B3GALT1: variants seen among roughly 807,000 people sequenced by gnomAD.
B3GALT1 encodes beta-1,3-galactosyltransferase 1.
A neutral mutation model predicts 23.2 loss-of-function variants in B3GALT1; 10 were observed. That is an observed-to-expected ratio of 0.43 (90% confidence interval 0.27 to 0.73). B3GALT1 has a LOEUF of 0.73. Ranked by LOEUF, B3GALT1 falls within the 30% of genes least tolerant of loss-of-function variation. B3GALT1 has a pLI of 0.21. For missense variants in B3GALT1, 299 were observed against 405.4 expected, an observed-to-expected ratio of 0.74 and a Z score of 2.25; for synonymous variants, 156 against 141.5, an observed-to-expected ratio of 1.10 and a Z score of -0.73.
intron 2 of B3GALT1, among the ~76,000 whole-genome samples, chr2:167,623,739 C>T (rs1393000777): frequency 6.6e-6 from 1 of 152,016 alleles, no homozygotes; most frequent in African/African-American, 2.4e-5. Context: ...TATCCCAGAA[C>T]TTAAAGTATA....
intron 1 of B3GALT1, among the ~76,000 whole-genome samples, chr2:167,432,858 A>T (rs1215294953): frequency 6.6e-6 from 1 of 152,164 alleles, no homozygotes; most frequent in African/African-American, 2.4e-5. Flanking sequence ...ATGCATAGAT[A>T]ACCTCCCCAT....
At chr2:167,488,161 CT>C (rs1212151714) in intron 1 of B3GALT1, among the ~76,000 whole-genome samples, 1 of 152,116 alleles carries the variant, frequency 6.6e-6, no homozygotes, top group Non-Finnish European at 1.5e-5. Flanking sequence ...ATTTGTTTTG[CT>C]TTGGTCTAAG....
At chr2:167,640,011 A>T (rs1243350281) in intron 2 of B3GALT1, among the ~76,000 whole-genome samples, 1 of 152,122 alleles carries the variant, frequency 6.6e-6, no homozygotes. Flanking sequence ...AGATTAAATG[A>T]TGGATTTGAA....
chr2:167,346,355 C>A (rs1425201337), intron 1 of B3GALT1, among the ~76,000 whole-genome samples: 1 of 152,080 alleles, frequency 6.6e-6, no homozygotes, highest in Admixed American at 6.6e-5. Flanking sequence ...TATTGTATAT[C>A]TATTTACAGT....
intron 1 of B3GALT1, among the ~76,000 whole-genome samples, chr2:167,327,931 C>T (rs535235922): frequency 2.0e-5 from 3 of 152,048 alleles, no homozygotes; most frequent in South Asian, 2.1e-4. Flanking sequence ...TTTATCATGA[C>T]GTGATGTTAA....
chr2:167,849,842 A>T (rs949146010), intron 4 of B3GALT1, among the ~76,000 whole-genome samples: 4 of 150,572 alleles, frequency 2.7e-5, no homozygotes, highest in African/African-American at 9.8e-5. Context: ...GTGAGCCGAG[A>T]TCGCGCCACT....
intron 1 of B3GALT1, among the ~76,000 whole-genome samples, chr2:167,329,407 A>ATGTGT (rs1696939918): frequency 6.6e-6 from 1 of 152,198 alleles, no homozygotes; most frequent in South Asian, 2.1e-4. Context: ...TTGTCACCTA[A>ATGTGT]CATAATGTGT....
At chr2:167,750,818 C>T (rs1482913887) in intron 3 of B3GALT1, among the ~76,000 whole-genome samples, 2 of 151,586 alleles carry the variant, frequency 1.3e-5, no homozygotes, top group Admixed American at 6.6e-5. Flanking sequence ...CTGGTACCTA[C>T]ATATCAAGTC....
At chr2:167,826,042 T>C (rs1689217530) in intron 4 of B3GALT1, among the ~76,000 whole-genome samples, 1 of 152,216 alleles carries the variant, frequency 6.6e-6, no homozygotes, top group African/African-American at 2.4e-5. Flanking sequence ...GAGTAGAGAT[T>C]GGTGCCATAC....
At chr2:167,714,430 G>A in intron 3 of B3GALT1, 1 of 1,573,536 alleles carries the variant, frequency 6.4e-7, no homozygotes, top group Non-Finnish European at 8.7e-7. Context: ...GTGAGAGTCT[G>A]AGTGGATCCT....
rs184179771 is a variant in B3GALT1, at chr2:167,565,088, G to A, written c.-410+74811G>A. On this transcript the variant is annotated intron_variant, in intron 2 of 4. Coordinates refer to ENST00000392690, the MANE Select transcript of B3GALT1 (RefSeq NM_020981.4). ...AAAAGAGCAAAGCTGGAGGCATCACGCTACCTGACTTCAAACCATACTACA... is the reference window on the plus strand; with the variant it reads ...AAAAGAGCAAAGCTGGAGGCATCACACTACCTGACTTCAAACCATACTACA... Among the ~76,000 whole-genome samples, 132 of 152,240 alleles carry A rather than the reference G, an allele frequency of 8.7e-4. 1 individual carries two copies. Among genetic ancestry groups the A allele is most frequent in the African/African-American group, 2.9e-3 (121 of 41,546 alleles).
intron 3 of B3GALT1, among the ~76,000 whole-genome samples, chr2:167,777,052 A>G (rs1688173202): frequency 6.6e-6 from 1 of 152,184 alleles, no homozygotes; most frequent in Admixed American, 6.5e-5. Flanking sequence ...GTAACTTGTC[A>G]GTGACTATTG....
intron 1 of B3GALT1, among the ~76,000 whole-genome samples, chr2:167,367,445 A>G (rs1697605708): frequency 2.0e-5 from 3 of 152,166 alleles, no homozygotes; most frequent in Admixed American, 2.0e-4. Flanking sequence ...GGATAGAGAG[A>G]CAAGAGAATA....
chr2:167,736,039 T>C (rs1687487045), intron 3 of B3GALT1, among the ~76,000 whole-genome samples: 1 of 152,174 alleles, frequency 6.6e-6, no homozygotes, highest in Non-Finnish European at 1.5e-5. Context: ...CTCTGTTTTA[T>C]TGATGAAAGA....
chr2:167,625,225 TA>T (rs1685321278), intron 2 of B3GALT1, among the ~76,000 whole-genome samples: 1 of 151,946 alleles, frequency 6.6e-6, no homozygotes, highest in African/African-American at 2.4e-5. Flanking sequence ...TTTTGATTTT[TA>T]AAAAAATATA....
rs2105386594 is a variant in B3GALT1 at position 167,558,969 on chromosome 2, A to G, written c.-410+68692A>G. Among the ~76,000 whole-genome samples the G allele has an allele frequency of 3.3e-5, 5 of 152,330 alleles. No homozygotes were observed. The Middle Eastern group carries it at 0.017, about 518-fold the overall frequency. ...TGAAGAGAGCAGTGGTTCTCCCAGCACGCAGCTGGAGATCTGAGAACGGGC... is the reference window on the plus strand; with the variant it reads ...TGAAGAGAGCAGTGGTTCTCCCAGCGCGCAGCTGGAGATCTGAGAACGGGC... On this transcript the variant is annotated intron_variant, in intron 2 of 4. Coordinates refer to ENST00000392690, the MANE Select transcript of B3GALT1 (RefSeq NM_020981.4).
At chr2:167,526,675 A>T (rs1323641979) in intron 2 of B3GALT1, among the ~76,000 whole-genome samples, 1 of 152,228 alleles carries the variant, frequency 6.6e-6, no homozygotes, top group African/African-American at 2.4e-5. Context: ...AGGAGTGCTT[A>T]CAGAAATGTA....
At chr2:167,367,188 ATAAATT>A (rs761018618) in intron 1 of B3GALT1, among the ~76,000 whole-genome samples, 4 of 152,356 alleles carry the variant, frequency 2.6e-5, no homozygotes, top group South Asian at 2.1e-4. Flanking sequence ...ATTTACAAAG[ATAAATT>A]TAAGTTAATG....
chr2:167,610,125 C>T (rs187039131), intron 2 of B3GALT1, among the ~76,000 whole-genome samples: 8 of 152,052 alleles, frequency 5.3e-5, no homozygotes, highest in Non-Finnish European at 1.0e-4. Flanking sequence ...TATCTTTTAG[C>T]GAATGTTAAC....
Sources: gnomAD v4.1 joint callset for allele counts (sites outside exome capture counted in the v4.1 genomes callset) on GRCh38, gnomAD v4.1.1 for gene constraint, MANE v1.5 for transcripts, NCBI Gene and HGNC (gene_info 2026-07-23, HGNC 2026-07-21) for gene names.